REDIC1: variants seen among roughly 807,000 people sequenced by gnomAD.
The protein encoded by REDIC1 is HEI10 Interacting Protein 1.
chr12:39,803,182 T>G, the REDIC1 span, among the ~76,000 whole-genome samples: 8 of 139,476 alleles, frequency 5.7e-5, no homozygotes, highest in South Asian at 2.3e-4. Flanking sequence ...GATAGCCCTG[T>G]GGCATCTAAA....
the REDIC1 span, chr12:39,756,215 T>G: frequency 6.6e-6 from 1 of 151,980 alleles, no homozygotes; most frequent in Non-Finnish European, 1.5e-5. Flanking sequence ...CAGCTACATA[T>G]GAGCTATAAA....
At chr12:39,838,875 C>T in the REDIC1 span, among the ~76,000 whole-genome samples, 1 of 152,150 alleles carries the variant, frequency 6.6e-6, no homozygotes, top group East Asian at 1.9e-4. Context: ...TCATTAAACT[C>T]AATGAGATGG....
the REDIC1 span, among the ~76,000 whole-genome samples, chr12:39,799,261 T>C: frequency 0.017 from 31 of 1,866 alleles, no homozygotes; most frequent in Non-Finnish European, 0.088. Context: ...AGCCTTTTTT[T>C]TTTTTTTTTT....
At chr12:39,844,007 A>T in the REDIC1 span, among the ~76,000 whole-genome samples, 1 of 151,992 alleles carries the variant, frequency 6.6e-6, no homozygotes, top group South Asian at 2.1e-4. Context: ...GAGCTTTACC[A>T]AAAAGGATAA....
chr12:39,778,966 T>C, the REDIC1 span, among the ~76,000 whole-genome samples: 1 of 152,134 alleles, frequency 6.6e-6, no homozygotes, highest in East Asian at 1.9e-4. Context: ...GAAAAACCAC[T>C]AATTGCAGGG....
chr12:39,859,494 C>G, the REDIC1 span, among the ~76,000 whole-genome samples: 197 of 151,978 alleles, frequency 1.3e-3, 1 homozygote, highest in African/African-American at 4.5e-3. Flanking sequence ...TGCAGATGAC[C>G]CTGGTTAAGA....
At chr12:39,843,153 G>A in the REDIC1 span, among the ~76,000 whole-genome samples, 1 of 152,076 alleles carries the variant, frequency 6.6e-6, no homozygotes, top group East Asian at 1.9e-4. Flanking sequence ...GAATTGCTGG[G>A]TCATATAACT....
At chr12:39,747,819 G>T in the REDIC1 span, among the ~76,000 whole-genome samples, 2 of 152,102 alleles carry the variant, frequency 1.3e-5, no homozygotes, top group Non-Finnish European at 2.9e-5. Context: ...TTCATATCCA[G>T]CCAAACTAAG....
At chr12:39,710,835 A>C in the REDIC1 span, among the ~76,000 whole-genome samples, 2 of 151,544 alleles carry the variant, frequency 1.3e-5, no homozygotes, top group Non-Finnish European at 3.0e-5. Flanking sequence ...GTCTCTAATA[A>C]CTATCACAGT....
At chr12:39,747,000 A>T in the REDIC1 span, among the ~76,000 whole-genome samples, 174 of 152,332 alleles carry the variant, frequency 1.1e-3, no homozygotes, top group African/African-American at 4.1e-3. Flanking sequence ...AAAGCTGAAA[A>T]TTCTAAAAAT....
the REDIC1 span, among the ~76,000 whole-genome samples, chr12:39,669,274 C>T: frequency 6.6e-6 from 1 of 152,172 alleles, no homozygotes. Context: ...TTCTAACAGT[C>T]AGGACCCTCA....
At chr12:39,692,155 C>T in the REDIC1 span, 3 of 1,408,050 alleles carry the variant, frequency 2.1e-6, no homozygotes, top group Non-Finnish European at 2.9e-6. Context: ...ATTTTAAAAA[C>T]TAACAATTAA....
chr12:39,837,956 A>G, the REDIC1 span, among the ~76,000 whole-genome samples: 5 of 151,270 alleles, frequency 3.3e-5, no homozygotes, highest in African/African-American at 1.2e-4. Context: ...ATCTAGAACT[A>G]GAAATACCAT....
the REDIC1 span, among the ~76,000 whole-genome samples, chr12:39,832,775 T>C: frequency 0.012 from 1,889 of 152,232 alleles, 15 homozygotes; most frequent in Non-Finnish European, 0.021. Context: ...TTCAATATCC[T>C]GAATTTCCCT....
chr12:39,834,717 T>C, the REDIC1 span, among the ~76,000 whole-genome samples: 2 of 152,074 alleles, frequency 1.3e-5, no homozygotes, highest in Non-Finnish European at 2.9e-5. Context: ...TATCTGCCTC[T>C]GTCTTCTGGA....
At chr12:39,723,984 C>T in the REDIC1 span, among the ~76,000 whole-genome samples, 1 of 152,108 alleles carries the variant, frequency 6.6e-6, no homozygotes, top group East Asian at 1.9e-4. Context: ...GCTCACATTT[C>T]TTGGGCATCC....
chr12:39,667,250 G>T, the REDIC1 span, among the ~76,000 whole-genome samples: 6 of 152,166 alleles, frequency 3.9e-5, no homozygotes, highest in Non-Finnish European at 4.4e-5. Flanking sequence ...GTGTCCCAGA[G>T]ATTCTGGTAT....
the REDIC1 span, among the ~76,000 whole-genome samples, chr12:39,820,768 TATATATATAA>T: frequency 3.6e-5 from 1 of 27,480 alleles, no homozygotes; most frequent in Non-Finnish European, 7.0e-5. Context: ...TATATATATA[TATATATATAA>T]AGCAACATGT....
chr12:39,711,115 T>A, the REDIC1 span, among the ~76,000 whole-genome samples: 1 of 151,406 alleles, frequency 6.6e-6, no homozygotes, highest in East Asian at 1.9e-4. Flanking sequence ...CATATCTTAG[T>A]TACCTCATAT....
Sources: gnomAD v4.1 joint callset for allele counts (sites outside exome capture counted in the v4.1 genomes callset) on GRCh38, gnomAD v4.1.1 for gene constraint, MANE v1.5 for transcripts, NCBI Gene and HGNC (gene_info 2026-07-23, HGNC 2026-07-21) for gene names.